The following NEDD4L variants were observed in gnomAD, a reference collection of about 807,000 sequenced individuals.
NEDD4L encodes NEDD4 like E3 ubiquitin protein ligase.
In NEDD4L, 54 loss-of-function variants were observed where a neutral mutation model predicts 148.9. The observed-to-expected ratio is 0.36, with a 90% CI of 0.29 to 0.45. The LOEUF (loss-of-function observed/expected upper bound fraction) is 0.45. NEDD4L is among the 20% of genes least tolerant of loss of function. NEDD4L has a pLI of 1.00. For synonymous variants in NEDD4L, 433 were observed against 440.7 expected (o/e 0.98, Z 0.22); for missense variants, 856 against 1,233.8 (o/e 0.69, Z 4.59).
chr18:58,048,517 T>A (rs2081699980), intron 1 of NEDD4L, among the ~76,000 whole-genome samples: 1 of 152,242 alleles, frequency 6.6e-6, no homozygotes, highest in Admixed American at 6.5e-5. Context: ...AGTTAAGTTA[T>A]GGAGCCAGCT....
At position 58,328,975 on chromosome 18, in the gene NEDD4L, C is replaced by T. The variant is rs774438248; in HGVS notation, c.681-20C>T. Reference sequence around the variant, plus strand: ...TCAACCACTTCTCTTCTTCTCTTTCCCCCTTTCCTGCATGCTCAGGGACGT... The same window carrying T: ...TCAACCACTTCTCTTCTTCTCTTTCTCCCTTTCCTGCATGCTCAGGGACGT... On this transcript the variant is annotated intron_variant, in intron 9 of 30. Transcript: ENST00000400345. The T allele has an allele frequency of 6.2e-7, 1 of 1,613,810 alleles. No homozygotes were observed. Among genetic ancestry groups the T allele is most frequent in the East Asian group, 2.2e-5 (1 of 44,896 alleles).
In NEDD4L at chr18:58,271,967, C is replaced by G. The variant is rs7227694; in HGVS notation, c.297+19913C>G. Among the ~76,000 whole-genome samples the G allele has an allele frequency of 2.4e-3, 369 of 152,272 alleles. 1 individual carries two copies. The highest frequency in any genetic ancestry group is 8.6e-3 in the African/African-American group (359 of 41,546). ...TTGGATGTGGCTGAAATGAGATTGT[C>G]AGCAAATTACAACTTCAAGCCTAGG... is the stretch of plus-strand genomic sequence containing the variant. On this transcript the variant is annotated intron_variant, in intron 5 of 30. Transcript: ENST00000400345.
intron 3 of NEDD4L, chr18:58,247,208 T>G (rs1385282898): frequency 6.6e-6 from 1 of 152,210 alleles, no homozygotes; most frequent in African/African-American, 2.4e-5. Flanking sequence ...TGTAACTGTC[T>G]TGCTGCCATG....
intron 2 of NEDD4L, among the ~76,000 whole-genome samples, chr18:58,190,972 G>A (rs930867377): frequency 6.6e-6 from 1 of 152,112 alleles, no homozygotes; most frequent in Admixed American, 6.5e-5. Flanking sequence ...TTAGCCAGAC[G>A]TGGTGGTGTG....
chr18:58,333,745 G>A (rs2041344649), intron 11 of NEDD4L, 73 bp from the exon 12 acceptor site: 2 of 1,035,598 alleles, frequency 1.9e-6, no homozygotes, highest in Non-Finnish European at 1.5e-6. Context: ...TGAGTGATAT[G>A]TTTGTTAAAC....
intron 2 of NEDD4L, among the ~76,000 whole-genome samples, chr18:58,182,143 G>A (rs550110076): frequency 1.3e-5 from 2 of 152,284 alleles, no homozygotes; most frequent in African/African-American, 4.8e-5. Context: ...AGTCCATTAA[G>A]TCTTGGTGCA....
chr18:58,269,001 T>C (rs2050643562), intron 5 of NEDD4L, among the ~76,000 whole-genome samples: 2 of 152,060 alleles, frequency 1.3e-5, no homozygotes, highest in South Asian at 4.1e-4. Flanking sequence ...CCTGAAAGTC[T>C]GGTGATCCTC....
chr18:58,239,382 T>C (rs2046380364), intron 2 of NEDD4L, among the ~76,000 whole-genome samples: 1 of 152,180 alleles, frequency 6.6e-6, no homozygotes, highest in South Asian at 2.1e-4. Flanking sequence ...TATCCAAGTA[T>C]CTTGGAAGAA....
chr18:58,080,307 C>T (rs1192876844), intron 1 of NEDD4L, among the ~76,000 whole-genome samples: 2 of 152,236 alleles, frequency 1.3e-5, no homozygotes, highest in East Asian at 1.9e-4. Flanking sequence ...TTCACACGAG[C>T]GTCTCTTACT....
intron 30 of NEDD4L, among the ~76,000 whole-genome samples, chr18:58,395,175 AG>A (rs1443742063): frequency 2.0e-5 from 3 of 152,170 alleles, no homozygotes; most frequent in Non-Finnish European, 1.5e-5. Context: ...CGTCATAATG[AG>A]CTGTGGCAAG....
In NEDD4L at chr18:58,400,226, A is replaced by C. The variant is rs2050764880; in HGVS notation, c.*3957A>C. The C allele has an allele frequency of 6.6e-6, 1 of 152,078 alleles. No individual in the cohort carries two copies. The highest frequency in any genetic ancestry group is 2.1e-4 in the South Asian group (1 of 4,804). The allele number at this position is 152,078 out of a possible 1,614,324, so 9.4% of individuals were successfully genotyped here. ...CCTGCTCCCTTCCTGACCTCCCCTG[A>C]CCCCGAAGATCACTACCTCTGTCAT... On this transcript the variant is annotated 3_prime_UTR_variant, in exon 31 of 31. Coordinates refer to ENST00000400345, the MANE Select transcript of NEDD4L (RefSeq NM_001144967.3).
chr18:58,343,381 G>A (rs2042669427), intron 16 of NEDD4L, among the ~76,000 whole-genome samples: 1 of 151,990 alleles, frequency 6.6e-6, no homozygotes, highest in South Asian at 2.1e-4. Flanking sequence ...GAAAGGTATT[G>A]CTCTGTGCTG....
Position 58,045,344 on chromosome 18 carries a change from T to C in NEDD4L, c.48+636T>C, listed in dbSNP as rs1380408062. 1.3e-5 allele frequency: 5 copies of C among 392,612 alleles called. No individual in the cohort carries two copies. In the East Asian group the frequency reaches 1.4e-4, roughly 11 times the overall value. 24.3% of individuals were successfully genotyped at this position (392,612 alleles called of 1,614,324 possible). ...GCTGGTGGCAGGTGCTCCTGGAAAC[T>C]TGGGGAGGAAGCTTGCAGCCCTGCC... On this transcript the variant is annotated intron_variant, in intron 1 of 30. Coordinates refer to ENST00000400345, the MANE Select transcript of NEDD4L (RefSeq NM_001144967.3).
At chr18:58,194,561 C>G (rs1395859262) in intron 2 of NEDD4L, among the ~76,000 whole-genome samples, 6 of 152,214 alleles carry the variant, frequency 3.9e-5, no homozygotes, top group African/African-American at 1.4e-4. Context: ...GAACTTTAAA[C>G]AGAAGAAACC....
chr18:58,141,351 A>G lies in NEDD4L; in HGVS notation c.49-24437A>G, dbSNP rs546942916. Among the ~76,000 whole-genome samples, 7 of 152,334 alleles carry G rather than the reference A, an allele frequency of 4.6e-5. 1 individual carries two copies. In the East Asian group the frequency reaches 1.3e-3, roughly 29 times the overall value. On this transcript the variant is annotated intron_variant, in intron 1 of 30. Transcript: ENST00000400345. The stretch of plus-strand genomic sequence containing the variant: ...ACAGTGTTACTGCAGACAGGCACAT[A>G]TGGTTTGTTAGGATGACATTTAAAA...
intron 13 of NEDD4L, among the ~76,000 whole-genome samples, chr18:58,338,804 T>TGAG (rs1355004267): frequency 5.9e-5 from 9 of 152,160 alleles, no homozygotes. Flanking sequence ...TAATCCCAGC[T>TGAG]ACTCAGGAGG....
At chr18:58,312,442 T>C (rs1227394903) in intron 5 of NEDD4L, among the ~76,000 whole-genome samples, 1 of 152,222 alleles carries the variant, frequency 6.6e-6, no homozygotes, top group Non-Finnish European at 1.5e-5. Context: ...TTTATAATGT[T>C]GGTATGAGGT....
At chr18:58,132,705 G>A (rs1168567817) in intron 1 of NEDD4L, among the ~76,000 whole-genome samples, 2 of 152,250 alleles carry the variant, frequency 1.3e-5, no homozygotes, top group African/African-American at 4.8e-5. Flanking sequence ...ACTGAGCTTA[G>A]TGGGCCTTGG....
rs998043043 is a variant in NEDD4L, at chr18:58,115,349, A to AT, written c.49-50439_49-50438insT. Among the ~76,000 whole-genome samples, 3 of 148,728 alleles carry AT rather than the reference A, an allele frequency of 2.0e-5. No homozygotes were observed. The Admixed American group carries it at 2.0e-4, about 10-fold the overall frequency. On this transcript the variant is annotated intron_variant, in intron 1 of 30. Transcript: ENST00000400345. ...ATTGTAGTAAGTGGTAGAGGTTTTTAAAGCAGTCCTAGGGGAGATGCAATT... is the reference window on the plus strand; with the variant it reads ...ATTGTAGTAAGTGGTAGAGGTTTTTATAAGCAGTCCTAGGGGAGATGCAATT...
Sources: gnomAD v4.1 joint callset for allele counts (sites outside exome capture counted in the v4.1 genomes callset) on GRCh38, gnomAD v4.1.1 for gene constraint, MANE v1.5 for transcripts, NCBI Gene and HGNC (gene_info 2026-07-23, HGNC 2026-07-21) for gene names.